Variants in VPS8 observed in about 807,000 individuals in gnomAD.
The protein encoded by VPS8 is vacuolar protein sorting-associated protein 8 homolog.
A neutral mutation model predicts 216.4 loss-of-function variants in VPS8; 129 were observed. That is an observed-to-expected ratio of 0.60 (90% CI 0.52 to 0.69). VPS8 has a LOEUF of 0.69. Ranked by LOEUF, VPS8 falls within the 30% of genes least tolerant of loss-of-function variation. The probability of loss-of-function intolerance (pLI) is 0.00; values close to 1 mark genes in which losing one functional copy is unlikely to be tolerated. For synonymous variants in VPS8, 571 were observed against 565.4 expected, an observed-to-expected ratio of 1.01 and a Z score of -0.14; for missense variants, 1,531 against 1,683.5, an observed-to-expected ratio of 0.91 and a Z score of 1.59.
intron 21 of VPS8, among the ~76,000 whole-genome samples, chr3:184,871,543 G>GT (rs1206953173): frequency 1.3e-5 from 2 of 151,968 alleles, no homozygotes; most frequent in African/African-American, 2.4e-5. Context: ...CCTTTCTTTT[G>GT]TTTTTTGATT....
intron 46 of VPS8, among the ~76,000 whole-genome samples, chr3:185,044,260 G>A (rs1203023376): frequency 2.0e-5 from 3 of 152,158 alleles, no homozygotes; most frequent in Non-Finnish European, 2.9e-5. Flanking sequence ...CAGACGAAAG[G>A]CATCTCTGGA....
intron 45 of VPS8, among the ~76,000 whole-genome samples, chr3:185,002,542 C>G (rs1461821594): frequency 1.3e-5 from 2 of 152,000 alleles, no homozygotes; most frequent in South Asian, 2.1e-4. Flanking sequence ...TTTGGTGCAC[C>G]CATCACCCAA....
At position 184,996,490 on chromosome 3, in the gene VPS8, A is replaced by T. The variant is rs367913172; in HGVS notation, c.3825A>T (p.Ile1275=). 9.4e-5 allele frequency: 151 copies of T among 1,605,412 alleles called. 3 individuals are homozygous for T. The South Asian group carries it at 1.1e-3, about 12-fold the overall frequency. ...YKRRQEMADE[I]IVFSCGHLYH... ...GACGCCAAGAAATGGCTGATGAAATAATTGTCTTTAGGTAAGAAAGGGAAG... is the reference window on the plus strand; with the variant it reads ...GACGCCAAGAAATGGCTGATGAAATTATTGTCTTTAGGTAAGAAAGGGAAG... The change falls in exon 44 of 48, where the codon ATA becomes ATT. Residue 1275 remains isoleucine (I), a synonymous_variant. Transcript: ENST00000625842.
chr3:184,896,499 G>A lies in VPS8; in HGVS notation c.2004+1574G>A, dbSNP rs560505701. 6.6e-5 allele frequency among the ~76,000 whole-genome samples: 10 copies of A among 152,194 alleles called. No individual in the cohort carries two copies. In the South Asian group the frequency reaches 1.5e-3, roughly 22 times the overall value. On this transcript the variant is annotated intron_variant, in intron 23 of 47. Coordinates refer to ENST00000625842, the MANE Select transcript of VPS8 (RefSeq NM_001009921.3). ...AGTCACAGCTAGATTTCTTGAAAGC[G>A]TTGTCTAGGTTGCTATTTTCATTTT...
chr3:184,925,063 G>A, intron 30 of VPS8, 82 bp downstream of exon 30: 2 of 1,498,690 alleles, frequency 1.3e-6, no homozygotes, highest in Non-Finnish European at 1.8e-6. Flanking sequence ...TTCCTGATGT[G>A]ACAGACTATT....
At chr3:184,900,318 G>A (rs776544060) in intron 24 of VPS8, among the ~76,000 whole-genome samples, 1 of 152,212 alleles carries the variant, frequency 6.6e-6, no homozygotes, top group Admixed American at 6.5e-5. Flanking sequence ...GCCAGAGGTA[G>A]ACGTTTATAT....
chr3:184,866,656 T>C (rs1727414653), intron 16 of VPS8, among the ~76,000 whole-genome samples: 1 of 152,198 alleles, frequency 6.6e-6, no homozygotes, highest in South Asian at 2.1e-4. Flanking sequence ...AAATAGTATG[T>C]AGCGCTGGGA....
chr3:184,825,885 A>G (rs1190846712), intron 2 of VPS8, among the ~76,000 whole-genome samples: 3 of 151,840 alleles, frequency 2.0e-5, no homozygotes, highest in Non-Finnish European at 2.9e-5. Context: ...TGGGCATCAC[A>G]GCAAGACTCT....
At chr3:184,864,725 T>G (rs779382498) in intron 16 of VPS8, among the ~76,000 whole-genome samples, 1 of 152,146 alleles carries the variant, frequency 6.6e-6, no homozygotes, top group Admixed American at 6.5e-5. Context: ...TCCAAATCAC[T>G]TATCTCCTAG....
intron 7 of VPS8, among the ~76,000 whole-genome samples, chr3:184,841,201 T>C (rs1213659431): frequency 2.0e-5 from 3 of 152,086 alleles, no homozygotes; most frequent in Non-Finnish European, 4.4e-5. Flanking sequence ...ATATAGAAAA[T>C]ATAGATGAGC....
At chr3:184,838,898 A>G in intron 6 of VPS8, 152 bp downstream of exon 6, 5 of 578,070 alleles carry the variant, frequency 8.6e-6, no homozygotes, top group South Asian at 2.9e-5. Flanking sequence ...ACATTTATCC[A>G]TGTTGAATGC....
chr3:184,996,615 A>G (rs1752650921), intron 44 of VPS8, 114 bp downstream of exon 44: 2 of 1,233,208 alleles, frequency 1.6e-6, no homozygotes, highest in Admixed American at 2.5e-5. Context: ...GTGATAGGCA[A>G]GTTCCTGCCC....
intron 46 of VPS8, among the ~76,000 whole-genome samples, chr3:185,031,204 G>T (rs113510223): frequency 2.1e-3 from 317 of 151,320 alleles, no homozygotes; most frequent in Middle Eastern, 0.01. Flanking sequence ...CAAAAGTCAA[G>T]GGAAATGAAG....
At chr3:184,857,277 G>A (rs898019941) in intron 14 of VPS8, among the ~76,000 whole-genome samples, 8 of 152,230 alleles carry the variant, frequency 5.3e-5, no homozygotes, top group South Asian at 2.1e-4. Flanking sequence ...CTGGCCAGCC[G>A]TCTGTTTTTA....
intron 36 of VPS8, among the ~76,000 whole-genome samples, chr3:184,948,960 AAT>A (rs1744173868): frequency 6.6e-6 from 1 of 152,142 alleles, no homozygotes; most frequent in Non-Finnish European, 1.5e-5. Context: ...GTAGGAGAAC[AAT>A]ATATACTTTC....
intron 8 of VPS8, among the ~76,000 whole-genome samples, 200 bp downstream of exon 8, chr3:184,843,445 T>C (rs563922961): frequency 6.6e-6 from 1 of 152,292 alleles, no homozygotes; most frequent in South Asian, 2.1e-4. Flanking sequence ...CTGAAAAATA[T>C]AATTTTTAAC....
rs544189612 is a variant in VPS8 at position 184,893,358 on chromosome 3, A to C, written c.1782-1345A>C. Reference sequence around the variant, plus strand: ...CCATTTACCACTTTCTACAATTGACATGATATACATATAAAGAAATTACAC... The same window carrying C: ...CCATTTACCACTTTCTACAATTGACCTGATATACATATAAAGAAATTACAC... On this transcript the variant is annotated intron_variant, in intron 22 of 47. Transcript: ENST00000625842. The C allele has an allele frequency of 3.4e-5, 42 of 1,231,774 alleles. No homozygotes were observed. The South Asian group carries it at 5.1e-4, about 15-fold the overall frequency. The allele number at this position is 1,231,774 out of a possible 1,614,324, so 76.3% of individuals were successfully genotyped here.
rs757779599 is a variant in VPS8 at position 185,048,491 on chromosome 3, C to T, written c.4069C>T (p.Pro1357Ser). ...DPTAKKGTSE[P>S]VLDPQQIQAF... ...TTTTATTTTTCAGGGAACCTCAGAA[C>T]CTGTTCTGGATCCACAGCAAATCCA... The change falls in exon 47 of 48, where the codon CCT becomes TCT. Residue 1357 changes from proline to serine, a missense_variant. By Grantham distance (74) the Pro-to-Ser change is moderately conservative (BLOSUM62 -1). Transcript: ENST00000625842. 14 of 1,613,980 alleles carry T rather than the reference C, an allele frequency of 8.7e-6. No individual in the cohort carries two copies. The highest frequency in any genetic ancestry group is 1.2e-5 in the Non-Finnish European group (14 of 1,179,890).
intron 45 of VPS8, among the ~76,000 whole-genome samples, chr3:185,020,415 T>G (rs868581102): frequency 4.5e-4 from 68 of 152,198 alleles, no homozygotes; most frequent in African/African-American, 1.6e-3. Flanking sequence ...CTGTTATATT[T>G]CTTAAATTTC....
Sources: gnomAD v4.1 joint callset for allele counts (sites outside exome capture counted in the v4.1 genomes callset) on GRCh38, gnomAD v4.1.1 for gene constraint, MANE v1.5 for transcripts, NCBI Gene and HGNC (gene_info 2026-07-23, HGNC 2026-07-21) for gene names.